DIO1: variants seen among roughly 807,000 people sequenced by gnomAD.
The protein encoded by DIO1 is iodothyronine deiodinase 1, also known as type I iodothyronine deiodinase.
In DIO1, 17 loss-of-function variants were observed where a neutral mutation model predicts 25.9. The ratio of observed to expected loss-of-function variants is 0.66; its 90% CI spans 0.45 to 0.98. The LOEUF is 0.98. Among genes scored for constraint, DIO1 ranks in the 50% least tolerant of loss-of-function variants. The pLI is 0.00. For synonymous variants in DIO1, 115 were observed against 114.0 expected, an observed-to-expected ratio of 1.01 and a Z score of -0.05; for missense variants, 270 against 310.4, an observed-to-expected ratio of 0.87 and a Z score of 0.98.
chr1:53,910,227 G>T lies in DIO1; in HGVS notation c.*228G>T. 3.7e-6 allele frequency: 2 copies of T among 535,730 alleles called. No individual in the cohort carries two copies. The highest frequency in any genetic ancestry group is 3.8e-5 in the African/African-American group (2 of 52,552). 33.2% of individuals were successfully genotyped at this position (535,730 alleles called of 1,614,324 possible). On this transcript the variant is annotated 3_prime_UTR_variant, in exon 4 of 4. Transcript: ENST00000361921. ...ATGAAGCAACACTTGAGCTGTTCAGGCCAGTTCCCTGTTGAAGAAACAGTT... is the reference window on the plus strand; with the variant it reads ...ATGAAGCAACACTTGAGCTGTTCAGTCCAGTTCCCTGTTGAAGAAACAGTT...
chr1:53,899,202 T>G (rs976552437), intron 1 of DIO1, among the ~76,000 whole-genome samples: 5 of 152,364 alleles, frequency 3.3e-5, no homozygotes, highest in Non-Finnish European at 5.9e-5. Context: ...TGAGAGTTAA[T>G]CTGAAATTGG....
Position 53,909,957 on chromosome 1 carries a change from C to G in DIO1, c.708C>G (p.Asn236Lys), listed in dbSNP as rs773867747. ...YKGKSGPWNY[N>K]PEEVRAVLEK... ...GTAAATCTGGCCCTTGGAACTACAA[C>G]CCAGAGGAAGTTCGTGCTGTTCTGG... Residue 236 changes from asparagine (N) to lysine (K), a missense_variant, in exon 4 of 4, where the codon AAC becomes AAG. Transcript: ENST00000361921. The G allele has an allele frequency of 1.2e-6, 2 of 1,614,064 alleles. No homozygotes were observed. Among genetic ancestry groups the G allele is most frequent in the East Asian group, 4.5e-5 (2 of 44,898 alleles).
At chr1:53,904,423 G>A (rs1473949988) in intron 1 of DIO1, among the ~76,000 whole-genome samples, 2 of 152,026 alleles carry the variant, frequency 1.3e-5, no homozygotes, top group African/African-American at 2.4e-5. Flanking sequence ...ACTGCTATGC[G>A]GCAACTGCAG....
chr1:53,909,839 AC>A, intron 3 of DIO1, 91 bp from the exon 4 acceptor site: 1 of 1,224,080 alleles, frequency 8.2e-7, no homozygotes, highest in South Asian at 1.2e-5. Flanking sequence ...ACATCATTTG[AC>A]CACCTCTTGC....
At chr1:53,895,812 T>C (rs1319644169) in intron 1 of DIO1, among the ~76,000 whole-genome samples, 1 of 152,254 alleles carries the variant, frequency 6.6e-6, no homozygotes, top group Non-Finnish European at 1.5e-5. Context: ...TCTCTTGTAC[T>C]TTCCCTTGTC....
At chr1:53,908,462 G>C (rs1264631092) in intron 3 of DIO1, among the ~76,000 whole-genome samples, 1 of 152,148 alleles carries the variant, frequency 6.6e-6, no homozygotes, top group African/African-American at 2.4e-5. Context: ...AGCTGCAGAC[G>C]ACATGCAAAT....
intron 3 of DIO1, 109 bp from the exon 4 acceptor site, chr1:53,909,822 T>A: frequency 9.6e-7 from 1 of 1,037,334 alleles, no homozygotes; most frequent in Non-Finnish European, 1.5e-6. Context: ...TGATGGCTCC[T>A]ACACAGACAT....
chr1:53,899,354 T>C (rs1018682091), intron 1 of DIO1, among the ~76,000 whole-genome samples: 1 of 152,194 alleles, frequency 6.6e-6, no homozygotes, highest in East Asian at 1.9e-4. Context: ...GTTTTCCCAT[T>C]TATACAAAGG....
At chr1:53,898,848 G>A (rs1651215747) in intron 1 of DIO1, among the ~76,000 whole-genome samples, 1 of 151,996 alleles carries the variant, frequency 6.6e-6, no homozygotes, top group African/African-American at 2.4e-5. Flanking sequence ...TGAACTCAGA[G>A]CCAGAGACAG....
chr1:53,909,339 C>T (rs1455464917), intron 3 of DIO1, among the ~76,000 whole-genome samples: 1 of 151,964 alleles, frequency 6.6e-6, no homozygotes, highest in East Asian at 1.9e-4. Flanking sequence ...TTGCTTGAAC[C>T]TGGGAGGCAG....
At chr1:53,903,923 T>C (rs536010448) in intron 1 of DIO1, among the ~76,000 whole-genome samples, 1 of 152,008 alleles carries the variant, frequency 6.6e-6, no homozygotes, top group African/African-American at 2.4e-5. Flanking sequence ...AACCCTGCAT[T>C]TTCATTTGGC....
chr1:53,895,783 A>G (rs1207130279), intron 1 of DIO1, among the ~76,000 whole-genome samples: 1 of 152,084 alleles, frequency 6.6e-6, no homozygotes, highest in Non-Finnish European at 1.5e-5. Context: ...CTTTCGGACA[A>G]ACTGTTGGGC....
At chr1:53,895,801 A>C (rs1296330047) in intron 1 of DIO1, among the ~76,000 whole-genome samples, 1 of 152,168 alleles carries the variant, frequency 6.6e-6, no homozygotes, top group East Asian at 1.9e-4. Context: ...GGCCTTGTAC[A>C]TCTCTTGTAC....
chr1:53,902,189 G>T (rs1249533466), intron 1 of DIO1, among the ~76,000 whole-genome samples: 1 of 151,710 alleles, frequency 6.6e-6, no homozygotes, highest in African/African-American at 2.4e-5. Flanking sequence ...TCCCATGGCT[G>T]GTTCTCTCCT....
At chr1:53,899,628 C>T (rs12048683) in intron 1 of DIO1, among the ~76,000 whole-genome samples, 1,940 of 152,296 alleles carry the variant, frequency 0.013, 47 homozygotes, top group African/African-American at 0.044. Context: ...AACAAAATTT[C>T]ATACAGCTGA....
At chr1:53,908,461 C>T (rs1228795555) in intron 3 of DIO1, among the ~76,000 whole-genome samples, 1 of 152,152 alleles carries the variant, frequency 6.6e-6, no homozygotes, top group East Asian at 1.9e-4. Flanking sequence ...CAGCTGCAGA[C>T]GACATGCAAA....
rs60469690 is a variant in DIO1, at chr1:53,898,744, C to CAAAAAAAA, written c.337+4209_337+4216dup. On this transcript the variant is annotated intron_variant, in intron 1 of 3. Coordinates refer to ENST00000361921, the MANE Select transcript of DIO1 (RefSeq NM_000792.7). ...TGGGCAACAAAGCGAGACTCTGTCT[C>CAAAAAAAA]AAAAAAAAAAAAAAAAAAAGAGACA... 7.4e-3 allele frequency among the ~76,000 whole-genome samples: 790 copies of CAAAAAAAA among 106,472 alleles called. 27 individuals are homozygous for CAAAAAAAA. The highest frequency in any genetic ancestry group is 0.026 in the African/African-American group (716 of 27,174). 69.8% of individuals were successfully genotyped at this position (106,472 alleles called of 152,430 possible).
At chr1:53,908,858 G>A (rs948290513) in intron 3 of DIO1, among the ~76,000 whole-genome samples, 8 of 151,990 alleles carry the variant, frequency 5.3e-5, no homozygotes, top group African/African-American at 1.9e-4. Flanking sequence ...TTGGGAGGCT[G>A]AGCCGGGCAG....
intron 1 of DIO1, among the ~76,000 whole-genome samples, chr1:53,896,218 T>C (rs1318498227): frequency 8.7e-6 from 1 of 114,986 alleles, no homozygotes; most frequent in African/African-American, 2.8e-5. Context: ...CTCTTTTTTT[T>C]TTTTTTTTTT....
Sources: allele counts gnomAD v4.1 joint callset (sites outside exome capture counted in the v4.1 genomes callset), GRCh38; gene constraint gnomAD v4.1.1; transcripts MANE v1.5; gene names NCBI Gene and HGNC (gene_info 2026-07-23, HGNC 2026-07-21).